The following PWWP2A variants were observed in gnomAD, a reference collection of about 807,000 sequenced individuals.
PWWP2A encodes PWWP domain-containing protein 2A.
Under a neutral mutation model 48.5 loss-of-function variants are expected in PWWP2A, and 18 were observed. The ratio of observed to expected loss-of-function variants is 0.37; its 90% CI spans 0.26 to 0.55. The LOEUF (loss-of-function observed/expected upper bound fraction) is 0.55. Among genes scored for constraint, PWWP2A ranks in the 20% least tolerant of loss-of-function variants. PWWP2A has a pLI of 0.81. For synonymous variants in PWWP2A, 396 were observed against 387.7 expected, an observed-to-expected ratio of 1.02 and a Z score of -0.25; for missense variants, 867 against 976.4, an observed-to-expected ratio of 0.89 and a Z score of 1.49.
At chr5:160,110,249 C>T (rs1253271579) in intron 1 of PWWP2A, among the ~76,000 whole-genome samples, 1 of 151,972 alleles carries the variant, frequency 6.6e-6, no homozygotes, top group Non-Finnish European at 1.5e-5. Context: ...GTCTCAAACT[C>T]CTGCCTTCAA....
intron 1 of PWWP2A, among the ~76,000 whole-genome samples, chr5:160,112,727 AGTTT>A (rs1396810500): frequency 6.6e-6 from 1 of 152,206 alleles, no homozygotes; most frequent in Admixed American, 6.5e-5. Flanking sequence ...TGAGGCGTAA[AGTTT>A]GTTTGCTTGT....
intron 1 of PWWP2A, among the ~76,000 whole-genome samples, chr5:160,109,774 A>ATATATATATATATATAT (rs1284977515): frequency 7.9e-5 from 2 of 25,226 alleles, no homozygotes; most frequent in South Asian, 1.5e-3. Context: ...AAAAAAAAAA[A>ATATATATATATATATAT]ATATATATAT....
At chr5:160,048,000 A>G in the PWWP2A span, among the ~76,000 whole-genome samples, 2 of 152,130 alleles carry the variant, frequency 1.3e-5, no homozygotes, top group African/African-American at 4.8e-5. Context: ...GTTTCCCACT[A>G]TAGCCCAGAG....
chr5:160,095,458 C>T (rs932838964), intron 1 of PWWP2A, among the ~76,000 whole-genome samples: 2 of 152,118 alleles, frequency 1.3e-5, no homozygotes, highest in Non-Finnish European at 2.9e-5. Context: ...CAAATAATTT[C>T]AGCATATAGG....
chr5:160,109,405 C>T (rs914542626), intron 1 of PWWP2A, among the ~76,000 whole-genome samples: 24 of 151,622 alleles, frequency 1.6e-4, no homozygotes, highest in African/African-American at 5.8e-4. Context: ...CTTTTTTCCC[C>T]CCATTTAAAA....
downstream of PWWP2A, among the ~76,000 whole-genome samples, chr5:160,086,726 C>T (rs557555215): frequency 1.3e-5 from 2 of 152,212 alleles, no homozygotes; most frequent in South Asian, 2.1e-4. Flanking sequence ...ACCCCATCTT[C>T]CTGCCTCAGC....
chr5:160,048,397 T>G, the PWWP2A span, among the ~76,000 whole-genome samples: 13 of 152,072 alleles, frequency 8.5e-5, no homozygotes, highest in Non-Finnish European at 1.6e-4. Flanking sequence ...CCAATTGACC[T>G]GCCTGCCTCG....
downstream of PWWP2A, among the ~76,000 whole-genome samples, chr5:160,059,681 C>T (rs919608626): frequency 2.0e-5 from 3 of 152,200 alleles, no homozygotes; most frequent in African/African-American, 7.2e-5. Context: ...GTCAGAGGAG[C>T]AGTCAGAACA....
intron 1 of PWWP2A, among the ~76,000 whole-genome samples, chr5:160,114,458 C>CAAA (rs200615381): frequency 7.7e-6 from 1 of 130,404 alleles, no homozygotes. Flanking sequence ...GAGACTGTCT[C>CAAA]AAAAAAAAGA....
intron 1 of PWWP2A, among the ~76,000 whole-genome samples, chr5:160,107,892 T>C (rs1223232948): frequency 6.6e-6 from 1 of 152,028 alleles, no homozygotes; most frequent in Non-Finnish European, 1.5e-5. Context: ...TCCCAGCTAC[T>C]AGGAAGGCTG....
rs1381111151 is a variant in PWWP2A, at chr5:160,077,170, CTTG to C, written c.*982_*984del. On this transcript the variant is annotated 3_prime_UTR_variant, in exon 4 of 4. Coordinates refer to the PWWP2A transcript ENST00000456329. The surrounding 1 kb of genome is among the most constrained non-coding windows in gnomAD (Gnocchi z 4.2). Reference sequence around the variant, plus strand: ...GTTTTAAAGGATCCTGTTCCTGCCACTTGTTGTCCCCCAGGGCCAAGTCCTACT... The same window carrying C: ...GTTTTAAAGGATCCTGTTCCTGCCACTTGTCCCCCAGGGCCAAGTCCTACT... 1 of 152,222 alleles carries C rather than the reference CTTG, an allele frequency of 6.6e-6. No individual in the cohort carries two copies. The highest frequency in any genetic ancestry group is 1.5e-5 in the Non-Finnish European group (1 of 68,044). The allele number at this position is 152,222 out of a possible 1,614,324, so 9.4% of individuals were successfully genotyped here.
chr5:160,072,897 G>A (rs1417356820), downstream of PWWP2A, among the ~76,000 whole-genome samples: 1 of 150,264 alleles, frequency 6.7e-6, no homozygotes, highest in Non-Finnish European at 1.5e-5. Flanking sequence ...CCAGCTACTC[G>A]GGAGGCTGAG....
chr5:160,052,988 T>C, the PWWP2A span, among the ~76,000 whole-genome samples: 1 of 152,172 alleles, frequency 6.6e-6, no homozygotes, highest in South Asian at 2.1e-4. Flanking sequence ...CCTTAATGAG[T>C]ATAAAAATCA....
chr5:160,097,336 C>CAA lies in PWWP2A; in HGVS notation c.585-3273_585-3272dup, dbSNP rs70987999. 2.2e-3 allele frequency among the ~76,000 whole-genome samples: 77 copies of CAA among 34,390 alleles called. 3 individuals are homozygous for CAA. Among genetic ancestry groups the CAA allele is most frequent in the South Asian group, 0.014 (7 of 512 alleles). The allele number at this position is 34,390 out of a possible 152,430, so 22.6% of individuals were successfully genotyped here. A position where few individuals can be genotyped will look rare whatever the true frequency, so the allele number is the denominator to read the frequency against. The stretch of plus-strand genomic sequence containing the variant: ...TGAGCAAGTGAGTAAGCCTTTGTCT[C>CAA]AAAAAAAAAAAAAAAAAAAAAAAAA... On this transcript the variant is annotated intron_variant, in intron 1 of 1. Transcript: ENST00000307063.
chr5:160,085,107 C>A (rs1283480255), intron 2 of PWWP2A, among the ~76,000 whole-genome samples: 1 of 152,116 alleles, frequency 6.6e-6, no homozygotes, highest in Non-Finnish European at 1.5e-5. Flanking sequence ...TGGCTCACTG[C>A]AACCTCTGCC....
chr5:160,062,382 G>A (rs1399834326), intron 5 of PWWP2A, among the ~76,000 whole-genome samples: 1 of 152,118 alleles, frequency 6.6e-6, no homozygotes, highest in African/African-American at 2.4e-5. Flanking sequence ...CACCACCCTG[G>A]ACCTATTCCC....
At position 160,110,352 on chromosome 5, in the gene PWWP2A, C is replaced by T. The variant is rs143468460; in HGVS notation, c.584+8453G>A. Among the ~76,000 whole-genome samples the T allele has an allele frequency of 3.1e-3, 470 of 152,202 alleles. 1 individual carries two copies. Among genetic ancestry groups the T allele is most frequent in the Non-Finnish European group, 5.2e-3 (352 of 68,006 alleles). On this transcript the variant is annotated intron_variant, in intron 1 of 1. Coordinates refer to ENST00000307063, the MANE Select transcript of PWWP2A (RefSeq NM_001130864.2). ...ATTTGATGATATAAAAGGATTACTGCTATTATTTCAGGTGTAATAATGGTA... is the reference window on the plus strand; with the variant it reads ...ATTTGATGATATAAAAGGATTACTGTTATTATTTCAGGTGTAATAATGGTA...
chr5:160,108,000 CA>C (rs1757072291), intron 1 of PWWP2A, among the ~76,000 whole-genome samples: 1 of 150,272 alleles, frequency 6.7e-6, no homozygotes, highest in Admixed American at 6.6e-5. Context: ...AGACCCATCT[CA>C]AAAATAAAAA....
chr5:160,049,771 G>C, the PWWP2A span: 1 of 1,052,524 alleles, frequency 9.5e-7, no homozygotes, highest in Admixed American at 3.4e-5. Context: ...CTGTGCTTTT[G>C]AGGAGCTTAT....
Sources: allele counts gnomAD v4.1 joint callset (sites outside exome capture counted in the v4.1 genomes callset), GRCh38; gene constraint gnomAD v4.1.1; non-coding constraint Gnocchi (gnomAD v3.1); transcripts MANE v1.5; gene names NCBI Gene and HGNC (gene_info 2026-07-23, HGNC 2026-07-21).